Variants in CNTNAP2 observed in about 807,000 individuals in gnomAD.
The protein encoded by CNTNAP2 is contactin-associated protein-like 2.
In CNTNAP2, 98 loss-of-function variants were observed where a neutral mutation model predicts 155.2. The ratio of observed to expected loss-of-function variants is 0.63; its 90% CI spans 0.54 to 0.75. The LOEUF is 0.75. CNTNAP2 is among the 30% of genes least tolerant of loss of function. CNTNAP2 has a pLI of 0.00. For missense variants in CNTNAP2, 1,727 were observed against 1,688.1 expected (o/e 1.02, Z -0.40); for synonymous variants, 651 against 631.2 (o/e 1.03, Z -0.47).
chr7:146,227,992 A>G (rs139483319), intron 1 of CNTNAP2, among the ~76,000 whole-genome samples: 71 of 152,270 alleles, frequency 4.7e-4, no homozygotes, highest in African/African-American at 1.6e-3. Context: ...TTTTGTTATT[A>G]TTATTATAAA....
chr7:146,998,688 A>G (rs1393488634), intron 3 of CNTNAP2, among the ~76,000 whole-genome samples: 1 of 151,894 alleles, frequency 6.6e-6, no homozygotes, highest in Admixed American at 6.6e-5. Context: ...ATTAATATTT[A>G]CTTTATATAT....
intron 13 of CNTNAP2, among the ~76,000 whole-genome samples, chr7:147,860,539 G>A (rs749325446): frequency 6.1e-5 from 9 of 147,306 alleles, no homozygotes; most frequent in Non-Finnish European, 1.2e-4. Flanking sequence ...GTGGTGAGCC[G>A]AGATCACACC....
intron 1 of CNTNAP2, among the ~76,000 whole-genome samples, chr7:146,480,577 A>G (rs1352030006): frequency 6.6e-6 from 1 of 151,620 alleles, no homozygotes; most frequent in Non-Finnish European, 1.5e-5. Flanking sequence ...GCAGAATGCA[A>G]GCTCCCACTG....
intron 1 of CNTNAP2, among the ~76,000 whole-genome samples, chr7:146,750,801 T>C (rs1470760610): frequency 6.6e-6 from 1 of 152,188 alleles, no homozygotes; most frequent in Non-Finnish European, 1.5e-5. Flanking sequence ...TATGGCTTAC[T>C]AAATATATAA....
At chr7:146,856,100 A>G (rs879724185) in intron 3 of CNTNAP2, among the ~76,000 whole-genome samples, 4 of 151,842 alleles carry the variant, frequency 2.6e-5, no homozygotes, top group South Asian at 2.1e-4. Context: ...ATTACATAAG[A>G]GCCAACTTGA....
intron 20 of CNTNAP2, among the ~76,000 whole-genome samples, chr7:148,236,071 T>C (rs1327120090): frequency 2.0e-5 from 3 of 152,210 alleles, no homozygotes; most frequent in Non-Finnish European, 4.4e-5. Flanking sequence ...GTGGACTAGA[T>C]CTGTGCTTTC....
chr7:147,305,116 A>T (rs1226419685), intron 9 of CNTNAP2, among the ~76,000 whole-genome samples: 2 of 152,072 alleles, frequency 1.3e-5, no homozygotes, highest in Non-Finnish European at 2.9e-5. Context: ...CGGGGTTTCA[A>T]TATGTGAATT....
chr7:147,489,098 T>A (rs368991528), intron 11 of CNTNAP2, among the ~76,000 whole-genome samples: 1 of 152,362 alleles, frequency 6.6e-6, no homozygotes, highest in South Asian at 2.1e-4. Context: ...AGATTTGGAC[T>A]GCAGTGAATG....
intron 3 of CNTNAP2, among the ~76,000 whole-genome samples, chr7:146,890,868 C>T (rs1425247299): frequency 6.6e-6 from 1 of 152,068 alleles, no homozygotes; most frequent in Non-Finnish European, 1.5e-5. Flanking sequence ...AGACAGATTA[C>T]CCAGCAATCC....
intron 1 of CNTNAP2, among the ~76,000 whole-genome samples, chr7:146,426,047 G>A (rs938442044): frequency 2.0e-5 from 3 of 151,532 alleles, no homozygotes; most frequent in Non-Finnish European, 3.0e-5. Context: ...TTAGCTGGCC[G>A]TGGCGGCGCA....
chr7:147,878,459 T>A (rs575037364), intron 13 of CNTNAP2, among the ~76,000 whole-genome samples: 1 of 152,024 alleles, frequency 6.6e-6, no homozygotes, highest in Non-Finnish European at 1.5e-5. Context: ...TTTTGAGATG[T>A]CTTTGTATTC....
At chr7:146,444,220 T>C (rs1481627264) in intron 1 of CNTNAP2, among the ~76,000 whole-genome samples, 5 of 152,072 alleles carry the variant, frequency 3.3e-5, no homozygotes, top group Admixed American at 3.3e-4. Context: ...AAACGGGGTT[T>C]CACCACGTTG....
intron 14 of CNTNAP2, among the ~76,000 whole-genome samples, chr7:147,915,297 A>G (rs1008141427): frequency 3.3e-5 from 5 of 152,222 alleles, no homozygotes; most frequent in Non-Finnish European, 7.3e-5. Context: ...TATTCATACC[A>G]TTAGCCCTGT....
intron 1 of CNTNAP2, among the ~76,000 whole-genome samples, chr7:146,735,308 T>G (rs1801593274): frequency 6.6e-6 from 1 of 152,190 alleles, no homozygotes. Flanking sequence ...ATCCCGGCAC[T>G]TTGGGAGGCC....
At chr7:147,592,579 C>T (rs1251214497) in intron 12 of CNTNAP2, among the ~76,000 whole-genome samples, 1 of 151,288 alleles carries the variant, frequency 6.6e-6, no homozygotes, top group Non-Finnish European at 1.5e-5. Flanking sequence ...TATCCCATGA[C>T]CCAATTCATG....
intron 10 of CNTNAP2, among the ~76,000 whole-genome samples, chr7:147,421,345 ATAT>A (rs1288557621): frequency 6.6e-6 from 1 of 152,136 alleles, no homozygotes; most frequent in Non-Finnish European, 1.5e-5. Context: ...TGATAGAAAA[ATAT>A]TAATAGATGG....
chr7:147,880,919 G>A (rs1799509928), intron 13 of CNTNAP2, among the ~76,000 whole-genome samples: 2 of 147,964 alleles, frequency 1.4e-5, no homozygotes, highest in African/African-American at 5.0e-5. Context: ...ATCAGTCTTA[G>A]ATGCCAGTGG....
intron 12 of CNTNAP2, among the ~76,000 whole-genome samples, chr7:147,627,040 C>T (rs1056385588): frequency 1.3e-5 from 2 of 152,126 alleles, no homozygotes; most frequent in African/African-American, 2.4e-5. Context: ...GGTAGCCCAG[C>T]TTGGTAACCA....
intron 22 of CNTNAP2, among the ~76,000 whole-genome samples, chr7:148,392,515 T>A (rs1418533833): frequency 6.6e-6 from 1 of 152,194 alleles, no homozygotes; most frequent in Non-Finnish European, 1.5e-5. Flanking sequence ...ATTCACAGCA[T>A]CCACTGTAAC....
Sources: allele counts gnomAD v4.1 joint callset (sites outside exome capture counted in the v4.1 genomes callset), GRCh38; gene constraint gnomAD v4.1.1; transcripts MANE v1.5; gene names NCBI Gene and HGNC (gene_info 2026-07-23, HGNC 2026-07-21).